Variants in UBE2E2 observed in about 807,000 individuals in gnomAD.
UBE2E2 encodes ubiquitin conjugating enzyme E2 E2.
A neutral mutation model predicts 24.7 loss-of-function variants in UBE2E2; 6 were observed. That is an observed-to-expected ratio of 0.24 (90% confidence interval 0.13 to 0.48). The LOEUF (loss-of-function observed/expected upper bound fraction) is 0.48. UBE2E2 is among the 20% of genes least tolerant of loss of function. The pLI is 0.99. For synonymous variants in UBE2E2, 104 were observed against 83.6 expected, an observed-to-expected ratio of 1.24 and a Z score of -1.33; for missense variants, 169 against 245.0, an observed-to-expected ratio of 0.69 and a Z score of 2.07.
chr3:23,556,454 TA>T lies in UBE2E2; in HGVS notation c.508+23771del, dbSNP rs5847239. On this transcript the variant is annotated intron_variant, in intron 5 of 5. Transcript: ENST00000396703. Reference sequence around the variant, plus strand: ...CCATGCCCAGCCAATAAAATTTATTTAAAAAAAAAAAAAAAAAAGCTATACT... The same window carrying T: ...CCATGCCCAGCCAATAAAATTTATTTAAAAAAAAAAAAAAAAAGCTATACT... 2.9e-3 allele frequency among the ~76,000 whole-genome samples: 272 copies of T among 94,328 alleles called. 6 individuals are homozygous for T. Among genetic ancestry groups the T allele is most frequent in the Middle Eastern group, 5.6e-3 (1 of 178 alleles). 61.9% of individuals were successfully genotyped at this position (94,328 alleles called of 152,430 possible). A position where few individuals can be genotyped will look rare whatever the true frequency, so the allele number is the denominator to read the frequency against.
At chr3:23,531,234 C>T (rs766871435) in intron 4 of UBE2E2, among the ~76,000 whole-genome samples, 25 of 152,126 alleles carry the variant, frequency 1.6e-4, no homozygotes, top group Non-Finnish European at 2.9e-4. Context: ...GGAGTGGCAG[C>T]ACCTGCAGAG....
chr3:23,545,596 A>G (rs1469051746), intron 5 of UBE2E2, among the ~76,000 whole-genome samples: 1 of 152,200 alleles, frequency 6.6e-6, no homozygotes, highest in Non-Finnish European at 1.5e-5. Flanking sequence ...ACACAGACAC[A>G]GTAACAATCT....
At chr3:23,456,237 T>TA (rs1203755323) in intron 3 of UBE2E2, among the ~76,000 whole-genome samples, 1 of 152,250 alleles carries the variant, frequency 6.6e-6, no homozygotes, top group Non-Finnish European at 1.5e-5. Context: ...TCTTTGCAGT[T>TA]ACTTCCTCCA....
intron 3 of UBE2E2, among the ~76,000 whole-genome samples, chr3:23,451,985 A>G (rs1698570852): frequency 6.6e-6 from 1 of 152,218 alleles, no homozygotes; most frequent in South Asian, 2.1e-4. Flanking sequence ...CTTACTGGAA[A>G]TTAAATTATA....
At chr3:23,283,970 T>A (rs1698548321) in intron 3 of UBE2E2, among the ~76,000 whole-genome samples, 1 of 152,156 alleles carries the variant, frequency 6.6e-6, no homozygotes, top group Non-Finnish European at 1.5e-5. Flanking sequence ...AAAAAGAATA[T>A]GGATAAGAGG....
intron 3 of UBE2E2, among the ~76,000 whole-genome samples, chr3:23,381,995 C>T (rs1174373950): frequency 1.3e-5 from 2 of 152,042 alleles, no homozygotes; most frequent in Non-Finnish European, 1.5e-5. Flanking sequence ...TCTCCATTCC[C>T]CCGCTACTTT....
intron 3 of UBE2E2, among the ~76,000 whole-genome samples, chr3:23,375,200 G>A (rs1696491040): frequency 6.6e-6 from 1 of 152,102 alleles, no homozygotes; most frequent in Non-Finnish European, 1.5e-5. Context: ...TTTGCTCTTT[G>A]TGTACTCTCC....
chr3:23,522,589 A>G (rs535167428), intron 4 of UBE2E2, among the ~76,000 whole-genome samples: 1 of 151,996 alleles, frequency 6.6e-6, no homozygotes, highest in East Asian at 1.9e-4. Context: ...TTTTTAACCC[A>G]TTGAGAAGGA....
intron 3 of UBE2E2, among the ~76,000 whole-genome samples, chr3:23,257,512 G>GGCCCCC (rs1697762836): frequency 3.2e-5 from 1 of 31,148 alleles, no homozygotes; most frequent in Non-Finnish European, 5.9e-5. Context: ...TGTTTCCCGT[G>GGCCCCC]CCCCCCCCCC....
chr3:23,413,280 C>G (rs142493860), intron 3 of UBE2E2, among the ~76,000 whole-genome samples: 62 of 152,048 alleles, frequency 4.1e-4, no homozygotes, highest in African/African-American at 1.5e-3. Flanking sequence ...GGTAAAATTT[C>G]CCTTTTGAAG....
chr3:23,532,292 A>T (rs1338360600), intron 4 of UBE2E2, among the ~76,000 whole-genome samples: 2 of 152,164 alleles, frequency 1.3e-5, no homozygotes, highest in African/African-American at 4.8e-5. Context: ...ACATTTGTTA[A>T]ATAACAGGAC....
intron 3 of UBE2E2, among the ~76,000 whole-genome samples, chr3:23,253,438 G>A (rs552404942): frequency 6.6e-6 from 1 of 152,302 alleles, no homozygotes; most frequent in South Asian, 2.1e-4. Context: ...GTTCAGCCTT[G>A]TTAGTAATCT....
At chr3:23,356,554 TCTC>T (rs1356978401) in intron 3 of UBE2E2, among the ~76,000 whole-genome samples, 1 of 152,172 alleles carries the variant, frequency 6.6e-6, no homozygotes, top group Non-Finnish European at 1.5e-5. Context: ...AATTATCTCA[TCTC>T]CTCTTATACC....
intron 3 of UBE2E2, among the ~76,000 whole-genome samples, chr3:23,484,731 G>T (rs957753773): frequency 2.0e-5 from 3 of 152,168 alleles, no homozygotes; most frequent in Non-Finnish European, 1.5e-5. Context: ...ATCATGGCGC[G>T]AGGTGAAGGG....
intron 3 of UBE2E2, among the ~76,000 whole-genome samples, chr3:23,483,309 C>T (rs1575659427): frequency 2.0e-5 from 3 of 152,242 alleles, no homozygotes; most frequent in Admixed American, 1.3e-4. Context: ...TGCAGAGTGA[C>T]AGTAATTTGA....
chr3:23,455,064 T>G (rs1390879671), intron 3 of UBE2E2, among the ~76,000 whole-genome samples: 6 of 152,234 alleles, frequency 3.9e-5, no homozygotes, highest in African/African-American at 7.2e-5. Context: ...ATAGTTTTAA[T>G]GCAGATTTTG....
intron 5 of UBE2E2, among the ~76,000 whole-genome samples, chr3:23,580,327 A>T (rs540730416): frequency 1.3e-5 from 2 of 152,310 alleles, no homozygotes; most frequent in African/African-American, 4.8e-5. Flanking sequence ...TATTGTAAGA[A>T]ATTGCCATAG....
intron 4 of UBE2E2, among the ~76,000 whole-genome samples, chr3:23,502,131 A>G (rs1575670474): frequency 6.6e-6 from 1 of 152,156 alleles, no homozygotes; most frequent in South Asian, 2.1e-4. Flanking sequence ...TTTTGATGTA[A>G]CAACTCCATG....
chr3:23,532,792 A>G, intron 5 of UBE2E2, 91 bp downstream of exon 5: 1 of 1,158,976 alleles, frequency 8.6e-7, no homozygotes, highest in Non-Finnish European at 1.2e-6. Context: ...TACTACCACT[A>G]CCACCACTGC....
Sources: allele counts gnomAD v4.1 joint callset (sites outside exome capture counted in the v4.1 genomes callset), GRCh38; gene constraint gnomAD v4.1.1; transcripts MANE v1.5; gene names NCBI Gene and HGNC (gene_info 2026-07-23, HGNC 2026-07-21).